The following ANKRD17 variants were observed in gnomAD, a reference collection of about 807,000 sequenced individuals.
ANKRD17 encodes the protein ankyrin repeat domain-containing protein 17.
Under a neutral mutation model 229.7 loss-of-function variants are expected in ANKRD17, and 19 were observed. That is an observed-to-expected ratio of 0.08 (90% CI 0.06 to 0.12). The LOEUF (loss-of-function observed/expected upper bound fraction) is 0.12. ANKRD17 is among the 10% of genes least tolerant of loss of function. ANKRD17 has a pLI of 1.00. For synonymous variants in ANKRD17, 1,112 were observed against 1,146.1 expected (o/e 0.97, Z 0.60); for missense variants, 2,176 against 3,176.8 (o/e 0.68, Z 7.57).
intron 2 of ANKRD17, among the ~76,000 whole-genome samples, chr4:73,164,977 T>A (rs988959291): frequency 2.6e-5 from 4 of 151,504 alleles, no homozygotes; most frequent in African/African-American, 9.7e-5. Flanking sequence ...ATTATCTGAT[T>A]TTAAGATAAT....
intron 1 of ANKRD17, among the ~76,000 whole-genome samples, chr4:73,252,521 C>G (rs1180778538): frequency 6.6e-6 from 1 of 152,102 alleles, no homozygotes; most frequent in African/African-American, 2.4e-5. Flanking sequence ...GGTCACAGAA[C>G]TCTTTGAGGA....
At chr4:73,135,050 A>G in intron 16 of ANKRD17, 67 bp downstream of exon 16, 1 of 1,480,936 alleles carries the variant, frequency 6.8e-7, no homozygotes, top group Non-Finnish European at 9.2e-7. Context: ...AAATCTCTGA[A>G]AGTTAATGTT....
rs1254560416 is a variant in ANKRD17, at chr4:73,120,995, A to G, written c.3735T>C (p.Asn1245=). 1 of 1,613,832 alleles carries G rather than the reference A, an allele frequency of 6.2e-7. No homozygotes were observed. The highest frequency in any genetic ancestry group is 2.2e-5 in the East Asian group (1 of 44,830). The change falls in exon 20 of 34, where the codon AAT becomes AAC. Residue 1245 remains asparagine (N), a synonymous_variant. Transcript: ENST00000358602. Reference sequence around the variant, plus strand: ...TGTTCCGATTGGTTTCTATCTGAGCATTTATGTCAGAGCCCATGTCTAACA... The same window carrying G: ...TGTTCCGATTGGTTTCTATCTGAGCGTTTATGTCAGAGCCCATGTCTAACA... ...KLLLDMGSDI[N]AQIETNRNTA...
At position 73,078,890 on chromosome 4, in the gene ANKRD17, T is replaced by C. The variant is rs1222668982; in HGVS notation, c.7160A>G (p.Asp2387Gly). Residue 2387 changes from aspartate (D) to glycine (G), a missense_variant and splice_region_variant, in exon 31 of 34, where the codon GAT becomes GGT. This residue lies in a region of ANKRD17 where 87 missense variants were observed against 116.0 expected (regional missense o/e 0.75). Coordinates refer to ENST00000358602, the MANE Select transcript of ANKRD17 (RefSeq NM_032217.5). Reference protein sequence around the residue: ...LLTPCSSASNDSSAQSVSSGV... With the variant: ...LLTPCSSASNGSSAQSVSSGV... Reference sequence around the variant, plus strand: ...CGAGGATACTGACTGTGCAGAAGAATCTAGAGAAGAGATATTTTGAAATAA... The same window carrying C: ...CGAGGATACTGACTGTGCAGAAGAACCTAGAGAAGAGATATTTTGAAATAA... 6.2e-7 allele frequency: 1 copy of C among 1,609,042 alleles called. No homozygotes were observed. The highest frequency in any genetic ancestry group is 1.1e-5 in the South Asian group (1 of 90,276).
chr4:73,131,472 T>A (rs1728188027), intron 16 of ANKRD17, among the ~76,000 whole-genome samples: 1 of 152,260 alleles, frequency 6.6e-6, no homozygotes, highest in Non-Finnish European at 1.5e-5. Flanking sequence ...TTCTTCCTTA[T>A]ATTTTGATGT....
intron 29 of ANKRD17, among the ~76,000 whole-genome samples, chr4:73,089,388 G>A (rs1205287259): frequency 2.0e-5 from 3 of 152,032 alleles, no homozygotes; most frequent in African/African-American, 7.3e-5. Flanking sequence ...GTAAAAACAG[G>A]CAGCAGGCCA....
intron 22 of ANKRD17, among the ~76,000 whole-genome samples, chr4:73,117,085 A>C (rs1271154640): frequency 6.6e-6 from 1 of 152,180 alleles, no homozygotes; most frequent in African/African-American, 2.4e-5. Context: ...GTATTTCTCC[A>C]AATGAATGAT....
chr4:73,219,442 T>C lies in ANKRD17; in HGVS notation c.393+38834A>G, dbSNP rs568040021. Among the ~76,000 whole-genome samples, 6 of 152,344 alleles carry C rather than the reference T, an allele frequency of 3.9e-5. No homozygotes were observed. The South Asian group carries it at 1.2e-3, about 32-fold the overall frequency. On this transcript the variant is annotated intron_variant, in intron 1 of 33. Transcript: ENST00000358602. Reference sequence around the variant, plus strand: ...GCAAGTGGATTTCCCTTGTTTGACCTAGAATTCACTATTTACCATTAGTCC... The same window carrying C: ...GCAAGTGGATTTCCCTTGTTTGACCCAGAATTCACTATTTACCATTAGTCC...
rs1230731572 is a variant in ANKRD17 at position 73,168,131 on chromosome 4, G to GAA, written c.548-6784_548-6783insTT. On this transcript the variant is annotated intron_variant, in intron 2 of 33. Coordinates refer to ENST00000358602, the MANE Select transcript of ANKRD17 (RefSeq NM_032217.5). ...TCCCACCACTGTACTCCAGCCTGGGGGAGAGTGAGACTCCGTCTCAAAAAA... is the reference window on the plus strand; with the variant it reads ...TCCCACCACTGTACTCCAGCCTGGGGAAGAGAGTGAGACTCCGTCTCAAAAAA... 0.029 allele frequency among the ~76,000 whole-genome samples: 6 copies of GAA among 206 alleles called. No homozygotes were observed. The South Asian group carries it at 0.3, about 10-fold the overall frequency. 0.1% of individuals were successfully genotyped at this position (206 alleles called of 152,430 possible). A position where few individuals can be genotyped will look rare whatever the true frequency, so the allele number is the denominator to read the frequency against.
chr4:73,092,249 G>C lies in ANKRD17; in HGVS notation c.5379C>G (p.Ile1793Met). ...CATCAATTTCTTTGTCTGGATCCTT[G>C]ATCAAAGCATTAATCAATTGAGTTG... ...RQATQLINAL[I>M]KDPDKEIDEL... The change falls in exon 29 of 34, where the codon ATC becomes ATG. Residue 1793 changes from isoleucine (I) to methionine (M), a missense_variant. Coordinates refer to ENST00000358602, the MANE Select transcript of ANKRD17 (RefSeq NM_032217.5). The C allele has an allele frequency of 6.2e-7, 1 of 1,614,114 alleles. No homozygotes were observed. The highest frequency in any genetic ancestry group is 1.1e-5 in the South Asian group (1 of 91,078).
In ANKRD17 at chr4:73,139,908, T is replaced by C. The variant is rs760852103; in HGVS notation, c.2708A>G (p.Gln903Arg). Residue 903 changes from glutamine (Q) to arginine (R), a missense_variant, in exon 15 of 34, where the codon CAA (glutamine) becomes CGA (arginine). By Grantham distance (43) the Gln-to-Arg change is conservative. Coordinates refer to ENST00000358602, the MANE Select transcript of ANKRD17 (RefSeq NM_032217.5). ...AQRIQLQQQQ[Q>R]QSCQHLGLLT... is the part of the protein sequence containing the mutation. ...TAATCCCAGGTGTTGGCAAGACTGT[T>C]GCTGCTGTTGCTGAAGTTGAATTCT... is the stretch of plus-strand genomic sequence containing the variant. 2 of 1,614,116 alleles carry C rather than the reference T, an allele frequency of 1.2e-6. No individual in the cohort carries two copies. Among genetic ancestry groups the C allele is most frequent in the Admixed American group, 3.3e-5 (2 of 60,000 alleles).
At chr4:73,179,518 ATT>A (rs56182757) in intron 1 of ANKRD17, among the ~76,000 whole-genome samples, 4,686 of 40,286 alleles carry the variant, frequency 0.12, 371 homozygotes, top group East Asian at 0.25. Flanking sequence ...ATATATATAT[ATT>A]TTTTTTTTTT....
At chr4:73,203,774 A>G (rs1165407169) in intron 1 of ANKRD17, among the ~76,000 whole-genome samples, 64 of 150,988 alleles carry the variant, frequency 4.2e-4, no homozygotes, top group African/African-American at 1.3e-3. Context: ...AAAAAAAAAA[A>G]AAAAAGAAAA....
chr4:73,155,593 TTACTATG>T (rs756646620), intron 5 of ANKRD17, 31 bp downstream of exon 5: 1 of 1,607,452 alleles, frequency 6.2e-7, no homozygotes, highest in South Asian at 1.1e-5. Context: ...CCAAATGATG[TTACTATG>T]TAGTAAAACT....
At chr4:73,131,254 T>C (rs925013912) in intron 16 of ANKRD17, among the ~76,000 whole-genome samples, 9 of 152,080 alleles carry the variant, frequency 5.9e-5, no homozygotes, top group Non-Finnish European at 7.4e-5. Context: ...TAGCAGAGAG[T>C]TGAAGCCCCT....
At chr4:73,144,324 C>A (rs1729966312) in intron 11 of ANKRD17, among the ~76,000 whole-genome samples, 1 of 152,084 alleles carries the variant, frequency 6.6e-6, no homozygotes. Flanking sequence ...ATATTTATAA[C>A]CAGCTCCCTG....
intron 1 of ANKRD17, among the ~76,000 whole-genome samples, chr4:73,203,032 G>T (rs1738884028): frequency 6.6e-6 from 1 of 152,152 alleles, no homozygotes. Flanking sequence ...ATCTGTCACA[G>T]TTAATTTAGA....
At chr4:73,153,854 T>G (rs2148878483) in intron 6 of ANKRD17, 26 bp downstream of exon 6, 2 of 1,391,598 alleles carry the variant, frequency 1.4e-6, no homozygotes, top group East Asian at 2.4e-5. Context: ...TTAAAAACTT[T>G]GTTTTAAGAA....
chr4:73,134,590 C>A (rs1030491132), intron 16 of ANKRD17, among the ~76,000 whole-genome samples: 2 of 152,192 alleles, frequency 1.3e-5, no homozygotes, highest in Non-Finnish European at 2.9e-5. Context: ...CCTCCCCCCA[C>A]TCCATGTTAT....
Sources: gnomAD v4.1 joint callset for allele counts (sites outside exome capture counted in the v4.1 genomes callset) on GRCh38, gnomAD v4.1.1 for gene constraint, gnomAD v4.1.1 regional missense constraint, MANE v1.5 for transcripts, NCBI Gene and HGNC (gene_info 2026-07-23, HGNC 2026-07-21) for gene names.